The following PCDHA3 variants were observed in gnomAD, a reference collection of about 807,000 sequenced individuals.
PCDHA3 encodes the protein protocadherin alpha-3.
PCDHA3 carries 41 observed loss-of-function variants against 62.2 expected under a neutral mutation model. That is an observed-to-expected ratio of 0.66 (90% CI 0.51 to 0.86). The LOEUF is 0.86. Among genes scored for constraint, PCDHA3 ranks in the 40% least tolerant of loss-of-function variants. The pLI is 0.00. For missense variants in PCDHA3, 1,304 were observed against 1,241.2 expected (o/e 1.05, Z -0.76); for synonymous variants, 640 against 555.4 (o/e 1.15, Z -2.14).
At chr5:140,923,045 T>C (rs1554201134) in intron 1 of PCDHA3, among the ~76,000 whole-genome samples, 1 of 152,226 alleles carries the variant, frequency 6.6e-6, no homozygotes, top group Non-Finnish European at 1.5e-5. Context: ...ATGTATAGTA[T>C]TTAGAATAAA....
intron 1 of PCDHA3, chr5:140,969,174 G>A (rs777458792): frequency 6.2e-7 from 1 of 1,614,076 alleles, no homozygotes; most frequent in South Asian, 1.1e-5. Flanking sequence ...GGCTCAGGGA[G>A]TGACACTTTC....
intron 1 of PCDHA3, chr5:140,927,896 A>T: frequency 1.2e-6 from 2 of 1,614,200 alleles, no homozygotes; most frequent in Non-Finnish European, 1.7e-6. Flanking sequence ...GACGTGAACG[A>T]TCATGCCCCC....
intron 3 of PCDHA3, among the ~76,000 whole-genome samples, chr5:140,999,639 T>C (rs1554256919): frequency 6.6e-6 from 1 of 152,144 alleles, no homozygotes; most frequent in African/African-American, 2.4e-5. Context: ...TAGAGAAAAC[T>C]GTGCAGCCTG....
intron 1 of PCDHA3, among the ~76,000 whole-genome samples, chr5:140,896,511 C>T (rs1344026446): frequency 6.6e-6 from 1 of 151,744 alleles, no homozygotes; most frequent in Non-Finnish European, 1.5e-5. Context: ...TGTGCAGGCA[C>T]ACACCACAAA....
Position 140,803,552 on chromosome 5 carries a change from A to C in PCDHA3, c.2355A>C (p.Arg785Ser), listed in dbSNP as rs1554122885. 6.2e-6 allele frequency: 10 copies of C among 1,614,214 alleles called. No individual in the cohort carries two copies. The highest frequency in any genetic ancestry group is 8.5e-6 in the Non-Finnish European group (10 of 1,180,030). ...CTCCTTGTCCAATTAGCCGGGATAGAGAGGAGAAACAGGATGTGGACGTTG... is the reference window on the plus strand; with the variant it reads ...CTCCTTGTCCAATTAGCCGGGATAGCGAGGAGAAACAGGATGTGGACGTTG... ...SLPPCPISRD[R>S]EEKQDVDVDL... Residue 785 changes from arginine (R) to serine (S), a missense_variant, in exon 1 of 4, where the codon AGA (arginine) becomes AGC (serine). Physicochemically the swap from Arg to Ser is moderately radical, Grantham distance 110. Coordinates refer to ENST00000522353, the MANE Select transcript of PCDHA3 (RefSeq NM_018906.3).
At chr5:140,920,841 T>TAAAAA (rs781921146) in intron 1 of PCDHA3, among the ~76,000 whole-genome samples, 2 of 109,230 alleles carry the variant, frequency 1.8e-5, no homozygotes, top group Non-Finnish European at 1.9e-5. Flanking sequence ...AGACCAAATC[T>TAAAAA]AAAAAAAAAA....
intron 1 of PCDHA3, chr5:140,809,727 T>G: frequency 1.2e-6 from 1 of 813,498 alleles, no homozygotes; most frequent in South Asian, 1.9e-5. Flanking sequence ...TTATAGGACA[T>G]CAGAGCAATA....
At chr5:140,869,986 G>T (rs781968863) in intron 1 of PCDHA3, 4 of 1,613,322 alleles carry the variant, frequency 2.5e-6, no homozygotes, top group Admixed American at 1.7e-5. Context: ...ATTTACACTA[G>T]ATCAAAATAA....
chr5:140,871,527 G>A (rs537927360), intron 1 of PCDHA3: 3 of 1,531,844 alleles, frequency 2.0e-6, no homozygotes, highest in African/African-American at 2.8e-5. Context: ...CTATCAGGAA[G>A]TGTATGTGAA....
chr5:140,842,293 C>T, intron 1 of PCDHA3: 1 of 1,609,994 alleles, frequency 6.2e-7, no homozygotes, highest in South Asian at 1.1e-5. Flanking sequence ...ACGCCACGGA[C>T]AAAGGCCATC....
chr5:140,947,975 A>C lies in PCDHA3; in HGVS notation c.2395-30974A>C, dbSNP rs572156919. ...TTTTACAATTAAGTATGTGCTACTC[A>C]TAGGTTTTTCCCAAATACTTTATTA... On this transcript the variant is annotated intron_variant, in intron 1 of 3. Transcript: ENST00000522353. Among the ~76,000 whole-genome samples the C allele has an allele frequency of 2.7e-5, 4 of 150,726 alleles. No individual in the cohort carries two copies. In the East Asian group the frequency reaches 7.8e-4, roughly 29 times the overall value.
rs562105499 is a variant in PCDHA3, at chr5:140,801,920, G to A, written c.723G>A (p.Ala241=). The A allele has an allele frequency of 6.2e-7, 1 of 1,614,182 alleles. No homozygotes were observed. Among genetic ancestry groups the A allele is most frequent in the South Asian group, 1.1e-5 (1 of 91,086 alleles). ...TAGATGTAAACGACAACGCCCCAGC[G>A]TTTGAGAGGACGATCTATAAAGTCA... ...TVLDVNDNAP[A]FERTIYKVRL... is the part of the protein sequence containing the mutation. Residue 241 remains alanine (A), a synonymous_variant, in exon 1 of 4, where the codon GCG becomes GCA. Transcript: ENST00000522353.
intron 1 of PCDHA3, among the ~76,000 whole-genome samples, chr5:140,891,388 C>A (rs2063075244): frequency 6.6e-6 from 1 of 151,946 alleles, no homozygotes; most frequent in South Asian, 2.1e-4. Flanking sequence ...TATTTGCAAT[C>A]TTTTATCCCT....
chr5:140,928,226 T>G, intron 1 of PCDHA3: 1 of 1,614,178 alleles, frequency 6.2e-7, no homozygotes, highest in African/African-American at 1.3e-5. Context: ...ACACCAAACT[T>G]TCCTCAACCC....
At chr5:140,828,068 G>A (rs1448690269) in intron 1 of PCDHA3, 1 of 1,561,610 alleles carries the variant, frequency 6.4e-7, no homozygotes, top group African/African-American at 1.4e-5. Context: ...TCTTCTAATG[G>A]AAATAAAACC....
chr5:140,806,159 T>TG (rs1763693591), intron 1 of PCDHA3, among the ~76,000 whole-genome samples: 1 of 152,142 alleles, frequency 6.6e-6, no homozygotes. Flanking sequence ...GGTTATAAAA[T>TG]GGGGTAAATT....
intron 1 of PCDHA3, among the ~76,000 whole-genome samples, chr5:140,886,844 A>AAAAG (rs1232979230): frequency 8.6e-5 from 13 of 150,634 alleles, no homozygotes; most frequent in African/African-American, 1.2e-4. Flanking sequence ...AAAAAAAAAA[A>AAAAG]AAAGAAAGGT....
Position 140,843,346 on chromosome 5 carries a change from TC to T in PCDHA3, c.2394+39757del, listed in dbSNP as rs1554139985. 10 of 1,595,966 alleles carry T rather than the reference TC, an allele frequency of 6.3e-6. 1 individual carries two copies. In the Middle Eastern group the frequency reaches 5.0e-4, roughly 80 times the overall value. On this transcript the variant is annotated intron_variant, in intron 1 of 3. Coordinates refer to ENST00000522353, the MANE Select transcript of PCDHA3 (RefSeq NM_018906.3). ...TGTCGCTGGTGGAGAGCGGCCAGGC[TC>T]CAAAAGCGTCATCGAGGCAGTCGGC... is the stretch of plus-strand genomic sequence containing the variant.
chr5:140,834,255 C>T, intron 1 of PCDHA3: 1 of 936,844 alleles, frequency 1.1e-6, no homozygotes, highest in South Asian at 1.7e-5. Context: ...TGGAAAGACG[C>T]TCCACTCTCT....
Sources: gnomAD v4.1 joint callset for allele counts (sites outside exome capture counted in the v4.1 genomes callset) on GRCh38, gnomAD v4.1.1 for gene constraint, MANE v1.5 for transcripts, NCBI Gene and HGNC (gene_info 2026-07-23, HGNC 2026-07-21) for gene names.